The following BCAP29 variants were observed in gnomAD, a reference collection of about 807,000 sequenced individuals.
The protein encoded by BCAP29 is B-cell receptor-associated protein 29.
In BCAP29, 34 loss-of-function variants were observed where a neutral mutation model predicts 31.8. The ratio of observed to expected loss-of-function variants is 1.07; its 90% CI spans 0.81 to 1.42. BCAP29 has a LOEUF of 1.42. Among genes scored for constraint, BCAP29 ranks in the 40% most tolerant of loss-of-function variants. BCAP29 has a pLI of 0.00. For missense variants in BCAP29, 314 were observed against 269.2 expected, an observed-to-expected ratio of 1.17 and a Z score of -1.16; for synonymous variants, 104 against 91.3, an observed-to-expected ratio of 1.14 and a Z score of -0.79.
intron 3 of BCAP29, chr7:107,587,660 A>T (rs1260307990): frequency 6.6e-6 from 1 of 152,186 alleles, no homozygotes; most frequent in Non-Finnish European, 1.5e-5. Context: ...CATTTAAGAG[A>T]CTACTTTATA....
At chr7:107,604,664 T>TTTG (rs1294470890) in intron 6 of BCAP29, among the ~76,000 whole-genome samples, 4 of 148,500 alleles carry the variant, frequency 2.7e-5, no homozygotes, top group Non-Finnish European at 4.5e-5. Flanking sequence ...TTTTAGTCAT[T>TTTG]TTGTTGTTGT....
intron 3 of BCAP29, among the ~76,000 whole-genome samples, chr7:107,592,964 G>A (rs1809151101): frequency 6.6e-6 from 1 of 152,200 alleles, no homozygotes; most frequent in Non-Finnish European, 1.5e-5. Flanking sequence ...TGACCAAAAT[G>A]TTCTGAAATT....
intron 7 of BCAP29, 58 bp from the exon 8 acceptor site, chr7:107,618,270 T>C (rs1263012643): frequency 2.4e-6 from 3 of 1,242,584 alleles, no homozygotes; most frequent in Admixed American, 2.3e-5. Flanking sequence ...GTCCTTGTCA[T>C]GTCTATGAAT....
chr7:107,601,457 C>T (rs1811160869), intron 6 of BCAP29, among the ~76,000 whole-genome samples: 1 of 152,076 alleles, frequency 6.6e-6, no homozygotes, highest in Non-Finnish European at 1.5e-5. Flanking sequence ...TCACGTTCCT[C>T]CTTATTATTT....
chr7:107,594,036 A>G lies in BCAP29; in HGVS notation c.275A>G (p.His92Arg). 6.2e-7 allele frequency: 1 copy of G among 1,613,930 alleles called. No individual in the cohort carries two copies. Among genetic ancestry groups the G allele is most frequent in the Non-Finnish European group, 8.5e-7 (1 of 1,179,774 alleles). Reference sequence around the variant, plus strand: ...ACCAGCAGACCTGATGCCTATGAACACACACAGATGAAACTTTTTAGGTCT... The same window carrying G: ...ACCAGCAGACCTGATGCCTATGAACGCACACAGATGAAACTTTTTAGGTCT... ...SSTSRPDAYE[H>R]TQMKLFRSQR... Residue 92 changes from histidine to arginine, a missense_variant, in exon 4 of 8, where the codon CAC becomes CGC. By Grantham distance (29) the His-to-Arg change is conservative. Coordinates refer to ENST00000005259, the MANE Select transcript of BCAP29 (RefSeq NM_018844.4).
chr7:107,599,092 GTATATAAATATATATTTATAAA>G (rs1186055636), intron 5 of BCAP29, among the ~76,000 whole-genome samples: 1 of 119,920 alleles, frequency 8.3e-6, no homozygotes, highest in Non-Finnish European at 1.6e-5. Context: ...AAATTTATAT[GTATATAAATATATATTTATAAA>G]TATATAAATA....
At chr7:107,587,253 G>A (rs1176677547) in intron 3 of BCAP29, among the ~76,000 whole-genome samples, 1 of 152,148 alleles carries the variant, frequency 6.6e-6, no homozygotes, top group East Asian at 1.9e-4. Context: ...GTGGTTTATA[G>A]AAAATTGACT....
rs138567349 is a variant in BCAP29 at position 107,610,917 on chromosome 7, T to G, written c.590-2415T>G. On this transcript the variant is annotated intron_variant, in intron 6 of 7. Transcript: ENST00000005259. ...CATTACAAGCACCTGACCAACTGTC[T>G]TAATAGAAAGTACTCTAGACTCAGT... 4.8e-3 allele frequency among the ~76,000 whole-genome samples: 733 copies of G among 152,300 alleles called. 8 individuals carry two copies. Among genetic ancestry groups the G allele is most frequent in the African/African-American group, 0.016 (675 of 41,562 alleles).
chr7:107,587,680 A>C (rs1807960450), intron 3 of BCAP29: 1 of 152,172 alleles, frequency 6.6e-6, no homozygotes, highest in African/African-American at 2.4e-5. Flanking sequence ...ATAACTATGC[A>C]AATAAATTGG....
intron 1 of BCAP29, 115 bp downstream of exon 1, chr7:107,580,416 TCCGCGGCGCGGTGGTCGAGGGC>T: frequency 4.1e-6 from 1 of 241,824 alleles, no homozygotes; most frequent in Non-Finnish European, 7.9e-6. Flanking sequence ...CCCGGCCCGG[TCCGCGGCGCGGTGGTCGAGGGC>T]CCGCGGCGCC....
In BCAP29 at chr7:107,619,866, C is replaced by T. The variant is rs533574924; in HGVS notation, c.*1503C>T. The stretch of plus-strand genomic sequence containing the variant: ...AACTTACAGAAAAATAGAAAATGCA[C>T]AGCTTTAAAATGGGCAGAGTTAAAA... On this transcript the variant is annotated 3_prime_UTR_variant, in exon 8 of 8. Coordinates refer to ENST00000005259, the MANE Select transcript of BCAP29 (RefSeq NM_018844.4). The T allele has an allele frequency of 6.6e-6, 1 of 152,274 alleles. No homozygotes were observed. The highest frequency in any genetic ancestry group is 2.4e-5 in the African/African-American group (1 of 41,562). The allele number at this position is 152,274 out of a possible 1,614,324, so 9.4% of individuals were successfully genotyped here.
intron 7 of BCAP29, chr7:107,615,837 T>G (rs1814028658): frequency 6.4e-6 from 1 of 155,302 alleles, no homozygotes; most frequent in Admixed American, 6.2e-5. Flanking sequence ...GCTTCGTATA[T>G]GTTGTTTTGT....
At chr7:107,586,505 A>G (rs750854998) in intron 3 of BCAP29, among the ~76,000 whole-genome samples, 13 of 152,170 alleles carry the variant, frequency 8.5e-5, no homozygotes, top group Non-Finnish European at 1.9e-4. Context: ...TCTCCATCCA[A>G]AATGGAGTAA....
intron 2 of BCAP29, among the ~76,000 whole-genome samples, chr7:107,582,691 T>C (rs1222195677): frequency 1.3e-5 from 2 of 152,164 alleles, no homozygotes; most frequent in Non-Finnish European, 2.9e-5. Context: ...CATAATATAG[T>C]GAGAACACAA....
intron 5 of BCAP29, among the ~76,000 whole-genome samples, chr7:107,597,697 CAG>C (rs1810115808): frequency 6.6e-6 from 1 of 152,146 alleles, no homozygotes; most frequent in South Asian, 2.1e-4. Flanking sequence ...TAATATGTGA[CAG>C]AACTAAAATT....
At chr7:107,605,187 G>T (rs532773571) in intron 6 of BCAP29, among the ~76,000 whole-genome samples, 5 of 152,222 alleles carry the variant, frequency 3.3e-5, no homozygotes, top group African/African-American at 9.6e-5. Context: ...GTGTCTTTCA[G>T]TAACCAGGAG....
Position 107,601,681 on chromosome 7 carries a change from G to A in BCAP29, c.589+1176G>A, listed in dbSNP as rs945520710. On this transcript the variant is annotated intron_variant, in intron 6 of 7. Coordinates refer to ENST00000005259, the MANE Select transcript of BCAP29 (RefSeq NM_018844.4). Reference sequence around the variant, plus strand: ...AAAATGAATTTAATAGTTACCTACCGTTTACAACAGACATTTCAGAAGAGA... The same window carrying A: ...AAAATGAATTTAATAGTTACCTACCATTTACAACAGACATTTCAGAAGAGA... Among the ~76,000 whole-genome samples, 5 of 152,114 alleles carry A rather than the reference G, an allele frequency of 3.3e-5. No homozygotes were observed. In the East Asian group the frequency reaches 5.8e-4, roughly 18 times the overall value.
intron 4 of BCAP29, among the ~76,000 whole-genome samples, chr7:107,595,394 A>G (rs1027543918): frequency 1.3e-5 from 2 of 152,212 alleles, no homozygotes; most frequent in African/African-American, 2.4e-5. Context: ...GAGTAAAGGA[A>G]TGTCTGCTGA....
chr7:107,583,575 A>G (rs568343727), intron 2 of BCAP29, among the ~76,000 whole-genome samples: 1 of 152,248 alleles, frequency 6.6e-6, no homozygotes, highest in South Asian at 2.1e-4. Context: ...AGTAGCTTCT[A>G]TCAACAATAT....
Sources: allele counts gnomAD v4.1 joint callset (sites outside exome capture counted in the v4.1 genomes callset), GRCh38; gene constraint gnomAD v4.1.1; transcripts MANE v1.5; gene names NCBI Gene and HGNC (gene_info 2026-07-23, HGNC 2026-07-21).